Variants in ANKRD45 observed in about 807,000 individuals in gnomAD.
The protein encoded by ANKRD45 is ankyrin repeat domain 45.
ANKRD45 carries 21 observed loss-of-function variants against 28.1 expected under a neutral mutation model. The observed-to-expected ratio is 0.75, with a 90% CI of 0.53 to 1.08. The LOEUF is 1.08. Among genes scored for constraint, ANKRD45 ranks in the 50% least tolerant of loss-of-function variants. ANKRD45 has a pLI of 0.00. For synonymous variants in ANKRD45, 86 were observed against 103.9 expected (o/e 0.83, Z 1.05); for missense variants, 261 against 308.7 (o/e 0.85, Z 1.16).
the ANKRD45 span, among the ~76,000 whole-genome samples, chr1:173,701,035 A>C: frequency 6.6e-6 from 1 of 152,270 alleles, no homozygotes; most frequent in South Asian, 2.1e-4. Flanking sequence ...TTTCAAAAGA[A>C]GACATTTCTG....
intron 3 of ANKRD45, among the ~76,000 whole-genome samples, chr1:173,636,109 A>G (rs185801699): frequency 3.3e-5 from 5 of 152,252 alleles, no homozygotes; most frequent in Non-Finnish European, 7.4e-5. Context: ...GTGTGCTACC[A>G]TGAGGAGAAT....
At chr1:173,667,653 C>A in intron 1 of ANKRD45, 1 of 375,736 alleles carries the variant, frequency 2.7e-6, no homozygotes, top group Non-Finnish European at 5.1e-6. Context: ...TTGCAGTGAG[C>A]TAAGATCACC....
the ANKRD45 span, among the ~76,000 whole-genome samples, chr1:173,712,092 C>T: frequency 6.6e-6 from 1 of 152,118 alleles, no homozygotes; most frequent in East Asian, 1.9e-4. Flanking sequence ...GTATCTTTTA[C>T]AATAAGCAAT....
the ANKRD45 span, among the ~76,000 whole-genome samples, chr1:173,689,995 G>T: frequency 6.7e-6 from 1 of 148,488 alleles, no homozygotes; most frequent in Non-Finnish European, 1.5e-5. Context: ...ACTCCATAAG[G>T]GTCATCTAGT....
At chr1:173,683,728 G>A in the ANKRD45 span, among the ~76,000 whole-genome samples, 1 of 152,326 alleles carries the variant, frequency 6.6e-6, no homozygotes, top group East Asian at 1.9e-4. Context: ...GGATGCACCT[G>A]TGACACAGCC....
At chr1:173,613,562 GCC>G (rs1281895834) in intron 5 of ANKRD45, among the ~76,000 whole-genome samples, 2 of 105,774 alleles carry the variant, frequency 1.9e-5, no homozygotes, top group African/African-American at 1.7e-4. Context: ...TGGGGGGTCA[GCC>G]CCCCCCCCGG....
intron 2 of ANKRD45, among the ~76,000 whole-genome samples, chr1:173,654,021 C>A (rs1043529180): frequency 6.6e-6 from 1 of 150,992 alleles, no homozygotes; most frequent in Non-Finnish European, 1.5e-5. Flanking sequence ...GATGGGTCTC[C>A]TGAGTACAGC....
At chr1:173,697,066 A>C in the ANKRD45 span, among the ~76,000 whole-genome samples, 1 of 152,224 alleles carries the variant, frequency 6.6e-6, no homozygotes, top group African/African-American at 2.4e-5. Flanking sequence ...AAAGGGTTTC[A>C]GCAATTGAAG....
At chr1:173,667,824 C>A in intron 1 of ANKRD45, 1 of 331,050 alleles carries the variant, frequency 3.0e-6, no homozygotes. Flanking sequence ...AACTATATAT[C>A]TATGTAAGGA....
chr1:173,688,453 T>C, the ANKRD45 span, among the ~76,000 whole-genome samples: 1 of 131,982 alleles, frequency 7.6e-6, no homozygotes, highest in East Asian at 2.1e-4. Context: ...CCTCTTCCTC[T>C]ACCTCTTCCT....
At chr1:173,612,526 C>T (rs1667210764) in intron 5 of ANKRD45, 1 of 152,110 alleles carries the variant, frequency 6.6e-6, no homozygotes, top group Non-Finnish European at 1.5e-5. Flanking sequence ...ATTAAGATAC[C>T]ACTTCATACC....
At chr1:173,675,394 C>A in the ANKRD45 span, 1 of 274,878 alleles carries the variant, frequency 3.6e-6, no homozygotes, top group Non-Finnish European at 7.2e-6. Flanking sequence ...AGGTGGATCA[C>A]CTGAGGTCAG....
the ANKRD45 span, among the ~76,000 whole-genome samples, chr1:173,712,505 G>A: frequency 2.0e-5 from 3 of 152,198 alleles, no homozygotes; most frequent in African/African-American, 7.2e-5. Context: ...TGCTACATAA[G>A]TATTTGCTAG....
At chr1:173,698,657 C>T in the ANKRD45 span, among the ~76,000 whole-genome samples, 1 of 152,140 alleles carries the variant, frequency 6.6e-6, no homozygotes, top group African/African-American at 2.4e-5. Context: ...ATCTCCAGGA[C>T]ACATTTAAAG....
chr1:173,654,240 G>T (rs1352075640), intron 2 of ANKRD45, among the ~76,000 whole-genome samples: 1 of 152,090 alleles, frequency 6.6e-6, no homozygotes, highest in African/African-American at 2.4e-5. Flanking sequence ...GGTACCAGTT[G>T]TTCCTTTCCA....
the ANKRD45 span, among the ~76,000 whole-genome samples, chr1:173,709,524 T>C: frequency 4.6e-5 from 7 of 152,178 alleles, no homozygotes; most frequent in Admixed American, 2.0e-4. Context: ...GGGGATTACA[T>C]GAGGGCATGA....
chr1:173,615,299 C>T (rs866123333), intron 5 of ANKRD45, among the ~76,000 whole-genome samples: 4 of 150,306 alleles, frequency 2.7e-5, no homozygotes, highest in Non-Finnish European at 4.4e-5. Flanking sequence ...GCAGGAGAAT[C>T]GCTTGAACCA....
intron 5 of ANKRD45, among the ~76,000 whole-genome samples, chr1:173,612,989 T>G (rs929950795): frequency 6.6e-6 from 1 of 152,186 alleles, no homozygotes; most frequent in Admixed American, 6.5e-5. Context: ...AATGCCGAGA[T>G]TGCAGCCTCT....
Position 173,627,118 on chromosome 1 carries a change from A to C in ANKRD45, c.538T>G (p.Leu180Val). Residue 180 changes from leucine (L) to valine (V), a missense_variant, in exon 4 of 6, where the codon TTA becomes GTA. By Grantham distance (32) the Leu-to-Val change is conservative. Coordinates refer to ENST00000333279, the MANE Select transcript of ANKRD45 (RefSeq NM_198493.3). ...TLKKYIAKVS[L>V]AVTDTEKGSG... Reference sequence around the variant, plus strand: ...CCCTTTTCTGTGTCAGTAACAGCTAAAGAGACTTTTGCAATATATTTTTTC... The same window carrying C: ...CCCTTTTCTGTGTCAGTAACAGCTACAGAGACTTTTGCAATATATTTTTTC... 2 of 1,612,652 alleles carry C rather than the reference A, an allele frequency of 1.2e-6. No individual in the cohort carries two copies. The highest frequency in any genetic ancestry group is 1.7e-6 in the Non-Finnish European group (2 of 1,179,682).
Sources: gnomAD v4.1 joint callset for allele counts (sites outside exome capture counted in the v4.1 genomes callset) on GRCh38, gnomAD v4.1.1 for gene constraint, MANE v1.5 for transcripts, NCBI Gene and HGNC (gene_info 2026-07-23, HGNC 2026-07-21) for gene names.